Variants in CCSER1 observed in about 807,000 individuals in gnomAD.
CCSER1 encodes serine-rich coiled-coil domain-containing protein 1.
A neutral mutation model predicts 82.0 loss-of-function variants in CCSER1; 41 were observed. The ratio of observed to expected loss-of-function variants is 0.50; its 90% confidence interval spans 0.39 to 0.65. The LOEUF is 0.65. CCSER1 is among the 30% of genes least tolerant of loss of function. The pLI is 0.00. For synonymous variants in CCSER1, 414 were observed against 383.9 expected (o/e 1.08, Z -0.92); for missense variants, 1,119 against 1,064.2 (o/e 1.05, Z -0.72).
intron 1 of CCSER1, among the ~76,000 whole-genome samples, chr4:90,279,484 G>A (rs1728507568): frequency 6.6e-6 from 1 of 151,978 alleles, no homozygotes; most frequent in Admixed American, 6.6e-5. Context: ...GAAGGTGCTG[G>A]AATTCCCAAG....
intron 10 of CCSER1, among the ~76,000 whole-genome samples, chr4:91,126,107 A>T (rs1010805105): frequency 3.3e-5 from 5 of 151,718 alleles, no homozygotes; most frequent in Admixed American, 6.6e-5. Flanking sequence ...TCTAAGATAA[A>T]TTTTTTGTAT....
chr4:90,130,426 A>T (rs1054061547), intron 1 of CCSER1, among the ~76,000 whole-genome samples: 3 of 152,194 alleles, frequency 2.0e-5, no homozygotes, highest in African/African-American at 4.8e-5. Context: ...CTTGATCTTG[A>T]TGTTAAAGGA....
At chr4:90,693,875 GAGAGAAAGAAAGAAGAA>G (rs1000506917) in intron 6 of CCSER1, among the ~76,000 whole-genome samples, 10 of 151,598 alleles carry the variant, frequency 6.6e-5, no homozygotes, top group African/African-American at 1.7e-4. Context: ...AAAGAAGAAA[GAGAGAAAGAAAGAAGAA>G]AGAGAAAGAA....
chr4:91,472,175 G>A (rs959181804), intron 10 of CCSER1, among the ~76,000 whole-genome samples: 1 of 151,958 alleles, frequency 6.6e-6, no homozygotes, highest in Non-Finnish European at 1.5e-5. Context: ...ATCAATTTGT[G>A]ACTTTGCCAA....
At chr4:90,403,223 G>A (rs1753155732) in intron 4 of CCSER1, among the ~76,000 whole-genome samples, 2 of 152,202 alleles carry the variant, frequency 1.3e-5, no homozygotes, top group East Asian at 1.9e-4. Context: ...GATTAGGCCG[G>A]GCGCGGTGGC....
At chr4:90,724,576 T>C (rs1743292385) in intron 7 of CCSER1, 1 of 274,996 alleles carries the variant, frequency 3.6e-6, no homozygotes. Context: ...CACTTAAGAT[T>C]AGATGTTTCT....
At chr4:90,903,836 CAA>C (rs34799713) in intron 8 of CCSER1, among the ~76,000 whole-genome samples, 4 of 121,374 alleles carry the variant, frequency 3.3e-5, no homozygotes, top group Admixed American at 8.9e-5. Flanking sequence ...TACTCTGTCT[CAA>C]AAAAAAAAAA....
At chr4:90,553,085 C>T (rs1483644261) in intron 5 of CCSER1, among the ~76,000 whole-genome samples, 1 of 151,908 alleles carries the variant, frequency 6.6e-6, no homozygotes, top group Non-Finnish European at 1.5e-5. Context: ...ATTATCCTAC[C>T]TCAGGCTGCC....
intron 7 of CCSER1, among the ~76,000 whole-genome samples, chr4:90,765,960 CT>C (rs1751156553): frequency 6.6e-6 from 1 of 152,062 alleles, no homozygotes; most frequent in Non-Finnish European, 1.5e-5. Context: ...AAATTTATGA[CT>C]GTCAGCTGTA....
chr4:91,129,226 C>A (rs570551646), intron 10 of CCSER1, among the ~76,000 whole-genome samples: 29 of 151,912 alleles, frequency 1.9e-4, no homozygotes, highest in Non-Finnish European at 4.0e-4. Flanking sequence ...GATACTGGCA[C>A]CTGTATCCCA....
rs376788658 is a variant in CCSER1, at chr4:90,816,353, G to A, written c.2094+508G>A. 5.3e-5 allele frequency among the ~76,000 whole-genome samples: 8 copies of A among 152,092 alleles called. No individual in the cohort carries two copies. The East Asian group carries it at 9.6e-4, about 18-fold the overall frequency. On this transcript the variant is annotated intron_variant, in intron 8 of 10. Transcript: ENST00000509176. ...TAAAAATTATACAAAAATATGCAGT[G>A]TGTGTGGTTCAGGTTTTAGAGTATG...
chr4:91,485,775 CT>C (rs1758186621), intron 10 of CCSER1, among the ~76,000 whole-genome samples: 1 of 152,084 alleles, frequency 6.6e-6, no homozygotes, highest in East Asian at 1.9e-4. Context: ...TCTTCATATA[CT>C]TGGATTGTAT....
intron 8 of CCSER1, among the ~76,000 whole-genome samples, chr4:90,819,587 T>A (rs1286249091): frequency 1.3e-5 from 2 of 152,192 alleles, no homozygotes; most frequent in African/African-American, 2.4e-5. Context: ...CTGAAAATAA[T>A]AATTTCGATT....
At chr4:90,271,858 ATATATTTTTTTTTTTTT>A (rs1473165152) in intron 1 of CCSER1, among the ~76,000 whole-genome samples, 58 of 24,348 alleles carry the variant, frequency 2.4e-3, no homozygotes, top group African/African-American at 0.019. Flanking sequence ...ATATATATAT[ATATATTTTTTTTTTTTT>A]TTTTTTTTTT....
intron 10 of CCSER1, among the ~76,000 whole-genome samples, chr4:91,409,498 T>A (rs540470872): frequency 4.6e-5 from 7 of 152,210 alleles, no homozygotes; most frequent in African/African-American, 1.4e-4. Flanking sequence ...TTCCTTCCCA[T>A]CTCCATGTGT....
chr4:90,548,166 C>T (rs1433447101), intron 5 of CCSER1, among the ~76,000 whole-genome samples: 1 of 151,966 alleles, frequency 6.6e-6, no homozygotes, highest in African/African-American at 2.4e-5. Context: ...TTTAAGAGGG[C>T]CAAGTCTGGA....
At chr4:90,469,546 C>CACACACACAT (rs1764083152) in intron 5 of CCSER1, among the ~76,000 whole-genome samples, 1 of 151,518 alleles carries the variant, frequency 6.6e-6, no homozygotes, top group Middle Eastern at 3.4e-3. Flanking sequence ...CACACACACA[C>CACACACACAT]ACACACACAC....
At chr4:90,668,374 A>G (rs1464896239) in intron 6 of CCSER1, among the ~76,000 whole-genome samples, 1 of 152,216 alleles carries the variant, frequency 6.6e-6, no homozygotes, top group Admixed American at 6.5e-5. Context: ...AATTTGCAGC[A>G]GAGTAAAAAC....
At chr4:91,518,470 G>A (rs1433639530) in intron 10 of CCSER1, among the ~76,000 whole-genome samples, 1 of 152,116 alleles carries the variant, frequency 6.6e-6, no homozygotes, top group East Asian at 1.9e-4. Context: ...GGGAAGCTAG[G>A]GAAGTACCAC....
Sources: gnomAD v4.1 joint callset for allele counts (sites outside exome capture counted in the v4.1 genomes callset) on GRCh38, gnomAD v4.1.1 for gene constraint, MANE v1.5 for transcripts, NCBI Gene and HGNC (gene_info 2026-07-23, HGNC 2026-07-21) for gene names.